ENOX1: variants seen among roughly 807,000 people sequenced by gnomAD.
ENOX1 encodes candidate growth-related and time keeping constitutive hydroquinone (NADH) oxidase.
In ENOX1, 42 loss-of-function variants were observed where a neutral mutation model predicts 82.5. That is an observed-to-expected ratio of 0.51 (90% CI 0.40 to 0.66). The LOEUF is 0.66. ENOX1 is among the 30% of genes least tolerant of loss of function. ENOX1 has a pLI of 0.00. For missense variants in ENOX1, 608 were observed against 811.6 expected, an observed-to-expected ratio of 0.75 and a Z score of 3.05; for synonymous variants, 271 against 282.2, an observed-to-expected ratio of 0.96 and a Z score of 0.40.
At chr13:43,216,199 A>ATTG (rs2153448273) in intron 16 of ENOX1, among the ~76,000 whole-genome samples, 1 of 152,054 alleles carries the variant, frequency 6.6e-6, no homozygotes, top group South Asian at 2.1e-4. Context: ...CTCCGTCTCA[A>ATTG]AAAAAAATGG....
Position 43,461,936 on chromosome 13 carries a change from A to G in ENOX1, c.-75+22073T>C, listed in dbSNP as rs111604891. On this transcript the variant is annotated intron_variant, in intron 3 of 16. Transcript: ENST00000690772. Reference sequence around the variant, plus strand: ...TTGAAAAAGAGGATTAGACTGACCAATGAAACAATTGGTTCTGGATAAACA... The same window carrying G: ...TTGAAAAAGAGGATTAGACTGACCAGTGAAACAATTGGTTCTGGATAAACA... Among the ~76,000 whole-genome samples, 635 of 152,312 alleles carry G rather than the reference A, an allele frequency of 4.2e-3. 7 individuals are homozygous for G. The highest frequency in any genetic ancestry group is 0.015 in the African/African-American group (605 of 41,558).
chr13:43,777,941 C>T (rs1486517801), intron 1 of ENOX1, among the ~76,000 whole-genome samples: 1 of 152,094 alleles, frequency 6.6e-6, no homozygotes, highest in East Asian at 1.9e-4. Context: ...ACTGTGTATC[C>T]GGGGCCCCTT....
chr13:43,540,936 G>C (rs543493231), intron 2 of ENOX1, among the ~76,000 whole-genome samples: 1 of 152,242 alleles, frequency 6.6e-6, no homozygotes, highest in East Asian at 1.9e-4. Context: ...TGGGGAATAA[G>C]AGACAGGGTG....
chr13:43,596,509 C>T (rs2081479930), intron 2 of ENOX1, among the ~76,000 whole-genome samples: 1 of 152,234 alleles, frequency 6.6e-6, no homozygotes, highest in Admixed American at 6.5e-5. Context: ...ACATGGAAGT[C>T]CTTCCTATAT....
chr13:43,440,900 A>C (rs1196110248), intron 3 of ENOX1, among the ~76,000 whole-genome samples: 2 of 152,246 alleles, frequency 1.3e-5, no homozygotes, highest in African/African-American at 4.8e-5. Flanking sequence ...TTTTGAAAGC[A>C]GTAATAAGAC....
chr13:43,705,328 C>CTATATATA (rs1248320824), intron 1 of ENOX1, among the ~76,000 whole-genome samples: 24 of 71,128 alleles, frequency 3.4e-4, no homozygotes, highest in Non-Finnish European at 5.7e-4. Flanking sequence ...CTCTCTCTCT[C>CTATATATA]TCTATATATA....
At chr13:43,238,993 G>A (rs943404728) in intron 14 of ENOX1, among the ~76,000 whole-genome samples, 4 of 152,146 alleles carry the variant, frequency 2.6e-5, no homozygotes, top group East Asian at 1.9e-4. Flanking sequence ...AGGTCCAAAA[G>A]TGGAGTCACA....
At chr13:43,567,503 T>TA (rs565787080) in intron 2 of ENOX1, among the ~76,000 whole-genome samples, 216 of 152,188 alleles carry the variant, frequency 1.4e-3, no homozygotes, top group African/African-American at 5.0e-3. Flanking sequence ...GGAACTTTGT[T>TA]AAAAAAAGAT....
At chr13:43,396,663 G>A (rs946970938) in intron 5 of ENOX1, among the ~76,000 whole-genome samples, 1 of 152,190 alleles carries the variant, frequency 6.6e-6, no homozygotes, top group Non-Finnish European at 1.5e-5. Context: ...TTACAGGCAT[G>A]AGCCACCAGT....
chr13:43,283,020 T>G (rs1315168749), intron 12 of ENOX1, among the ~76,000 whole-genome samples: 2 of 151,760 alleles, frequency 1.3e-5, no homozygotes, highest in African/African-American at 2.4e-5. Context: ...AAGGCAGAGG[T>G]TGCAGTGAGC....
chr13:43,616,134 C>CTATAGATATATAGA lies in ENOX1; in HGVS notation c.-219+51344_-219+51345insTCTATATATCTATA, dbSNP rs1566641081. The stretch of plus-strand genomic sequence containing the variant: ...TATCTATAGATCTATAGATATCTAT[C>CTATAGATATATAGA]TATCTAGATATCTATATAGATAGAT... On this transcript the variant is annotated intron_variant, in intron 2 of 16. Coordinates refer to ENST00000690772, the MANE Select transcript of ENOX1 (RefSeq NM_001347969.2). 8.3e-4 allele frequency among the ~76,000 whole-genome samples: 15 copies of CTATAGATATATAGA among 18,048 alleles called. 1 individual carries two copies. The East Asian group carries it at 9.3e-3, about 11-fold the overall frequency. 11.8% of individuals were successfully genotyped at this position (18,048 alleles called of 152,430 possible). A position where few individuals can be genotyped will look rare whatever the true frequency, so the allele number is the denominator to read the frequency against.
At chr13:43,392,057 T>C (rs1406563059) in intron 5 of ENOX1, among the ~76,000 whole-genome samples, 2 of 152,092 alleles carry the variant, frequency 1.3e-5, no homozygotes, top group Non-Finnish European at 2.9e-5. Context: ...TTCTATGCTC[T>C]TCCTTCTCCA....
rs367628864 is a variant in ENOX1, at chr13:43,671,499, A to T, written c.-284-3955T>A. ...TCAAAAACTACAGCAGCCTAGAATA[A>T]ATTAGTCAATCCCTCTATTTGTTCC... On this transcript the variant is annotated intron_variant, in intron 1 of 16. Coordinates refer to ENST00000690772, the MANE Select transcript of ENOX1 (RefSeq NM_001347969.2). 2.6e-5 allele frequency among the ~76,000 whole-genome samples: 4 copies of T among 152,316 alleles called. 1 individual carries two copies. In the South Asian group the frequency reaches 8.3e-4, roughly 32 times the overall value.
Position 43,714,115 on chromosome 13 carries a change from C to G in ENOX1, c.-284-46571G>C, listed in dbSNP as rs986109980. Among the ~76,000 whole-genome samples, 675 of 148,334 alleles carry G rather than the reference C, an allele frequency of 4.6e-3. 3 individuals carry two copies. Among genetic ancestry groups the G allele is most frequent in the African/African-American group, 0.015 (589 of 40,036 alleles). ...TCCCAGAGATTCTGGTATGTTGTGT[C>G]TTTGTTCTCGTTGGTTTCAAAGAAC... On this transcript the variant is annotated intron_variant, in intron 1 of 16. Coordinates refer to ENST00000690772, the MANE Select transcript of ENOX1 (RefSeq NM_001347969.2).
intron 1 of ENOX1, among the ~76,000 whole-genome samples, chr13:43,774,279 T>G (rs1187843441): frequency 6.6e-6 from 1 of 152,196 alleles, no homozygotes; most frequent in Non-Finnish European, 1.5e-5. Flanking sequence ...CAGGAGAAAC[T>G]GTTAGCTACT....
chr13:43,490,041 C>T (rs144933961), intron 2 of ENOX1, among the ~76,000 whole-genome samples: 5,195 of 152,192 alleles, frequency 0.034, 128 homozygotes, highest in South Asian at 0.086. Flanking sequence ...TGGGTTCAAG[C>T]GATTCTCCTG....
intron 2 of ENOX1, among the ~76,000 whole-genome samples, chr13:43,666,893 AAGAT>A (rs1288737319): frequency 2.0e-5 from 3 of 152,168 alleles, no homozygotes; most frequent in African/African-American, 7.2e-5. Flanking sequence ...ATCAAAGAAA[AAGAT>A]AGCTCATATC....
At chr13:43,703,150 T>C (rs902074741) in intron 1 of ENOX1, among the ~76,000 whole-genome samples, 1 of 151,988 alleles carries the variant, frequency 6.6e-6, no homozygotes, top group African/African-American at 2.4e-5. Flanking sequence ...AAACTACCTA[T>C]TCTATGGTAT....
chr13:43,271,535 G>A (rs1237485676), intron 12 of ENOX1, among the ~76,000 whole-genome samples: 1 of 151,790 alleles, frequency 6.6e-6, no homozygotes, highest in African/African-American at 2.4e-5. Flanking sequence ...TTTAAGATCG[G>A]GGAAGAACAA....
Sources: allele counts gnomAD v4.1 joint callset (sites outside exome capture counted in the v4.1 genomes callset), GRCh38; gene constraint gnomAD v4.1.1; transcripts MANE v1.5; gene names NCBI Gene and HGNC (gene_info 2026-07-23, HGNC 2026-07-21).